PCDHA9: variants seen among roughly 807,000 people sequenced by gnomAD.
The protein encoded by PCDHA9 is protocadherin alpha-9.
Under a neutral mutation model 62.0 loss-of-function variants are expected in PCDHA9, and 62 were observed. The ratio of observed to expected loss-of-function variants is 1.00; its 90% CI spans 0.81 to 1.23. The LOEUF (loss-of-function observed/expected upper bound fraction) is 1.23, where lower values mean the gene tolerates loss of function less well. PCDHA9 is among the 50% of genes most tolerant of loss of function. PCDHA9 has a pLI of 0.00. For synonymous variants in PCDHA9, 557 were observed against 567.6 expected (o/e 0.98, Z 0.27); for missense variants, 1,205 against 1,249.8 (o/e 0.96, Z 0.54).
intron 3 of PCDHA9, among the ~76,000 whole-genome samples, chr5:140,995,291 G>A (rs958346050): frequency 1.4e-4 from 22 of 152,086 alleles, no homozygotes; most frequent in African/African-American, 4.6e-4. Flanking sequence ...ACAGCCAGTC[G>A]GATACCAAGA....
At chr5:140,902,615 G>A in intron 1 of PCDHA9, among the ~76,000 whole-genome samples, 1 of 152,010 alleles carries the variant, frequency 6.6e-6, no homozygotes, top group East Asian at 1.9e-4. Context: ...AGTTACATGG[G>A]TAAGTTATTT....
Position 140,992,419 on chromosome 5 carries a change from A to C in PCDHA9, c.2542+9856A>C, listed in dbSNP as rs554370784. The stretch of plus-strand genomic sequence containing the variant: ...GAGATATTGTTCTGCCCCAGGTCTA[A>C]GAATATTGTTCCAAGAGTTGGGAGC... On this transcript the variant is annotated intron_variant, in intron 3 of 3. Transcript: ENST00000532602. Among the ~76,000 whole-genome samples the C allele has an allele frequency of 3.3e-5, 5 of 152,318 alleles. No individual in the cohort carries two copies. In the East Asian group the frequency reaches 7.7e-4, roughly 23 times the overall value.
rs782242128 is a variant in PCDHA9 at position 140,928,580 on chromosome 5, GT to G, written c.2395-50367del. 100 of 1,614,112 alleles carry G rather than the reference GT, an allele frequency of 6.2e-5. 1 individual carries two copies. The East Asian group carries it at 2.2e-3, about 36-fold the overall frequency. ...ATCTTGTTTCCCTTGCCCAGAAATG[GT>G]TCTGTCCCAGTGGAAATTGTGCCCC... On this transcript the variant is annotated intron_variant, in intron 1 of 3. Transcript: ENST00000532602.
intron 1 of PCDHA9, among the ~76,000 whole-genome samples, chr5:140,914,983 G>C (rs2076933598): frequency 7.2e-6 from 1 of 139,166 alleles, no homozygotes; most frequent in Non-Finnish European, 1.5e-5. Context: ...GTCTTGCTCT[G>C]CTACCAGGCT....
chr5:140,852,064 C>G, intron 1 of PCDHA9: 1 of 904,052 alleles, frequency 1.1e-6, no homozygotes, highest in Non-Finnish European at 1.3e-6. Flanking sequence ...ATTTTTCTTT[C>G]TCTTTCAGCT....
intron 1 of PCDHA9, chr5:140,928,422 A>T (rs782264875): frequency 1.2e-6 from 2 of 1,614,136 alleles, no homozygotes; most frequent in Admixed American, 3.3e-5. Context: ...TCACTGCCAA[A>T]ACTTCCTTTG....
intron 1 of PCDHA9, among the ~76,000 whole-genome samples, chr5:140,946,611 A>AAT (rs1554217734): frequency 0.018 from 1,579 of 86,716 alleles, 89 homozygotes; most frequent in African/African-American, 0.026. Flanking sequence ...GAAAATGTGA[A>AAT]ATATATATAT....
chr5:140,928,569 G>A (rs2085338493), intron 1 of PCDHA9: 2 of 1,614,202 alleles, frequency 1.2e-6, no homozygotes, highest in Non-Finnish European at 1.7e-6. Flanking sequence ...TGTTTCCCTT[G>A]CCCAGAAATG....
At chr5:140,876,543 C>T (rs1357446844) in intron 1 of PCDHA9, 10 of 1,614,022 alleles carry the variant, frequency 6.2e-6, no homozygotes, top group African/African-American at 2.7e-5. Context: ...CACTGTCGCT[C>T]CCTGTGCAAG....
intron 1 of PCDHA9, among the ~76,000 whole-genome samples, chr5:140,939,880 G>T (rs2092484713): frequency 6.6e-6 from 1 of 152,140 alleles, no homozygotes; most frequent in African/African-American, 2.4e-5. Context: ...TTTGCTAGTT[G>T]TGTTGTTCAA....
chr5:140,892,477 A>G (rs2063535340), intron 1 of PCDHA9, among the ~76,000 whole-genome samples: 1 of 152,220 alleles, frequency 6.6e-6, no homozygotes, highest in South Asian at 2.1e-4. Context: ...TCAGTTTCCT[A>G]GCCAAACATG....
chr5:140,876,787 G>A, intron 1 of PCDHA9: 1 of 1,614,228 alleles, frequency 6.2e-7, no homozygotes, highest in Non-Finnish European at 8.5e-7. Context: ...GTGGGCCACG[G>A]CTAGAGTGTC....
intron 1 of PCDHA9, among the ~76,000 whole-genome samples, chr5:140,886,184 G>T (rs894479887): frequency 6.6e-6 from 1 of 151,966 alleles, no homozygotes; most frequent in Admixed American, 6.6e-5. Flanking sequence ...GCCTAATGCT[G>T]GCAAGCAGTA....
intron 1 of PCDHA9, among the ~76,000 whole-genome samples, chr5:140,922,935 G>A (rs1484457119): frequency 6.6e-6 from 1 of 152,130 alleles, no homozygotes; most frequent in Non-Finnish European, 1.5e-5. Flanking sequence ...TTTACTTCCA[G>A]CAATGGAAAT....
intron 3 of PCDHA9, among the ~76,000 whole-genome samples, chr5:141,008,053 C>T (rs1554261648): frequency 6.6e-6 from 1 of 152,056 alleles, no homozygotes; most frequent in African/African-American, 2.4e-5. Context: ...AACAGGGGTC[C>T]AGTCCATCTA....
chr5:140,861,154 CA>C lies in PCDHA9; in HGVS notation c.2394+10269del, dbSNP rs782409708. On this transcript the variant is annotated intron_variant, in intron 1 of 3. Coordinates refer to ENST00000532602, the MANE Select transcript of PCDHA9 (RefSeq NM_031857.2). ...CACTTGGAACCTCAGGAACAAGGAC[CA>C]AAAGGTCTCAGAGGAACTAAGTCTT... The C allele has an allele frequency of 5.8e-4, 90 of 154,832 alleles. 1 individual carries two copies. The highest frequency in any genetic ancestry group is 1.2e-3 in the Non-Finnish European group (81 of 69,986). 9.6% of individuals were successfully genotyped at this position (154,832 alleles called of 1,614,324 possible). A position where few individuals can be genotyped will look rare whatever the true frequency, so the allele number is the denominator to read the frequency against.
Position 140,849,964 on chromosome 5 carries a change from T to A in PCDHA9, c.1469T>A (p.Val490Glu). ...GCTGACGCGCAGGAGAACGCCCTGGTGTCCTACTCGCTGGTGGAGCGGCGG... is the reference window on the plus strand; with the variant it reads ...GCTGACGCGCAGGAGAACGCCCTGGAGTCCTACTCGCTGGTGGAGCGGCGG... ...RDADAQENAL[V>E]SYSLVERRLG... Residue 490 changes from valine to glutamate, a missense_variant, in exon 1 of 4, where the codon GTG (valine) becomes GAG (glutamate). Coordinates refer to ENST00000532602, the MANE Select transcript of PCDHA9 (RefSeq NM_031857.2). 1 of 1,597,810 alleles carries A rather than the reference T, an allele frequency of 6.3e-7. No individual in the cohort carries two copies.
At chr5:140,925,994 G>C (rs1041576118) in intron 1 of PCDHA9, among the ~76,000 whole-genome samples, 1 of 152,138 alleles carries the variant, frequency 6.6e-6, no homozygotes, top group Non-Finnish European at 1.5e-5. Context: ...CGCTGGCTCC[G>C]CTGCCTCGAA....
chr5:140,903,688 A>G (rs1392078626), intron 1 of PCDHA9, among the ~76,000 whole-genome samples: 13 of 152,242 alleles, frequency 8.5e-5, no homozygotes, highest in Admixed American at 7.9e-4. Flanking sequence ...TTTGGTAAAT[A>G]GTTTAAAATA....
Sources: gnomAD v4.1 joint callset for allele counts (sites outside exome capture counted in the v4.1 genomes callset) on GRCh38, gnomAD v4.1.1 for gene constraint, MANE v1.5 for transcripts, NCBI Gene and HGNC (gene_info 2026-07-23, HGNC 2026-07-21) for gene names.